The following FAM110B variants were observed in gnomAD, a reference collection of about 807,000 sequenced individuals.
FAM110B encodes the protein protein FAM110B.
In FAM110B, 6 loss-of-function variants were observed where a neutral mutation model predicts 20.4. The observed-to-expected ratio is 0.29, with a 90% CI of 0.16 to 0.58. The LOEUF is 0.58. Among genes scored for constraint, FAM110B ranks in the 20% least tolerant of loss-of-function variants. FAM110B has a pLI of 0.90. For missense variants in FAM110B, 434 were observed against 498.2 expected (o/e 0.87, Z 1.23); for synonymous variants, 226 against 214.1 (o/e 1.06, Z -0.49).
chr8:58,144,065 G>T (rs1803800508), intron 3 of FAM110B, among the ~76,000 whole-genome samples: 1 of 152,200 alleles, frequency 6.6e-6, no homozygotes, highest in South Asian at 2.1e-4. Flanking sequence ...CGTGCCCCAG[G>T]AGAAGGGAGA....
At chr8:58,048,862 T>C (rs1420321197) in intron 2 of FAM110B, among the ~76,000 whole-genome samples, 2 of 152,218 alleles carry the variant, frequency 1.3e-5, no homozygotes, top group African/African-American at 4.8e-5. Context: ...TGGTAGAATT[T>C]GAAAACAGCT....
At chr8:58,066,297 C>T (rs1404304270) in intron 2 of FAM110B, among the ~76,000 whole-genome samples, 1 of 152,188 alleles carries the variant, frequency 6.6e-6, no homozygotes, top group Non-Finnish European at 1.5e-5. Flanking sequence ...TCTCAGCGGG[C>T]GACCTCCCTG....
At chr8:58,114,017 G>A (rs1699867419) in intron 3 of FAM110B, among the ~76,000 whole-genome samples, 1 of 152,156 alleles carries the variant, frequency 6.6e-6, no homozygotes, top group East Asian at 1.9e-4. Context: ...TGACTGCCCT[G>A]CCATTGTCAT....
chr8:58,109,435 T>C (rs1563373205), intron 3 of FAM110B, among the ~76,000 whole-genome samples: 2 of 152,186 alleles, frequency 1.3e-5, no homozygotes, highest in African/African-American at 2.4e-5. Flanking sequence ...GGCTTACTTT[T>C]TGGTCTTCAA....
intron 1 of FAM110B, among the ~76,000 whole-genome samples, chr8:58,024,171 G>GTTTTTTTT (rs1804808746): frequency 8.4e-6 from 1 of 119,068 alleles, no homozygotes; most frequent in African/African-American, 3.9e-5. Context: ...CTTTCACTGT[G>GTTTTTTTT]CTTTTTTTTT....
chr8:58,037,132 A>T lies in FAM110B; in HGVS notation c.-414+5429A>T, dbSNP rs1031069215. On this transcript the variant is annotated intron_variant, in intron 2 of 3. Coordinates refer to ENST00000519262, the MANE Select transcript of FAM110B (RefSeq NM_001377989.1). Reference sequence around the variant, plus strand: ...TGCCGTTAAGGTACAAGTATGTTAAATTTTTTTTTACATAGTCTATAAGCT... The same window carrying T: ...TGCCGTTAAGGTACAAGTATGTTAATTTTTTTTTTACATAGTCTATAAGCT... Among the ~76,000 whole-genome samples the T allele has an allele frequency of 4.6e-5, 7 of 151,458 alleles. 1 individual carries two copies. Among genetic ancestry groups the T allele is most frequent in the Non-Finnish European group, 7.4e-5 (5 of 67,902 alleles).
At chr8:58,105,147 G>A (rs1806876829) in intron 3 of FAM110B, among the ~76,000 whole-genome samples, 1 of 151,938 alleles carries the variant, frequency 6.6e-6, no homozygotes, top group Non-Finnish European at 1.5e-5. Flanking sequence ...TAAGACTTTT[G>A]CCATTTTCCT....
intron 3 of FAM110B, among the ~76,000 whole-genome samples, chr8:58,095,370 G>T (rs560629463): frequency 6.6e-6 from 1 of 152,216 alleles, no homozygotes; most frequent in South Asian, 2.1e-4. Flanking sequence ...TCTCTTGTGG[G>T]CATTTAGTGC....
intron 3 of FAM110B, among the ~76,000 whole-genome samples, chr8:58,083,040 G>A (rs1024259875): frequency 3.3e-5 from 5 of 151,468 alleles, no homozygotes; most frequent in Admixed American, 3.3e-4. Flanking sequence ...TTAAGGAGAT[G>A]TTTGTGGAAT....
At chr8:58,079,879 T>C (rs1036465434) in intron 3 of FAM110B, among the ~76,000 whole-genome samples, 2 of 152,228 alleles carry the variant, frequency 1.3e-5, no homozygotes, top group African/African-American at 2.4e-5. Context: ...GTGGCTGTTA[T>C]AATAGAAATT....
intron 3 of FAM110B, among the ~76,000 whole-genome samples, chr8:58,084,476 G>A (rs534307542): frequency 2.7e-5 from 4 of 149,974 alleles, no homozygotes; most frequent in African/African-American, 9.8e-5. Context: ...TGCAGCCTCC[G>A]CCTCCCTGGT....
intron 2 of FAM110B, among the ~76,000 whole-genome samples, chr8:58,045,052 TTAGTG>T (rs1179988391): frequency 6.6e-6 from 1 of 152,234 alleles, no homozygotes. Flanking sequence ...ATTTTAAAAA[TTAGTG>T]GAGTGGAATT....
At chr8:58,068,521 A>G (rs899382833) in intron 2 of FAM110B, among the ~76,000 whole-genome samples, 1 of 152,048 alleles carries the variant, frequency 6.6e-6, no homozygotes, top group East Asian at 1.9e-4. Context: ...CTTGGCTACT[A>G]ATTAATCTGG....
chr8:58,142,429 G>A (rs1585921605), intron 3 of FAM110B, among the ~76,000 whole-genome samples: 1 of 152,302 alleles, frequency 6.6e-6, no homozygotes. Flanking sequence ...ACTAGAGTGA[G>A]TAGTGGGAGA....
intron 2 of FAM110B, among the ~76,000 whole-genome samples, chr8:58,053,450 G>A (rs1285317610): frequency 6.6e-6 from 1 of 152,228 alleles, no homozygotes; most frequent in East Asian, 1.9e-4. Flanking sequence ...AAAGAAGAAT[G>A]TGGTGGGGTC....
intron 3 of FAM110B, among the ~76,000 whole-genome samples, chr8:58,135,368 AGT>A (rs1803585577): frequency 6.6e-6 from 1 of 152,214 alleles, no homozygotes; most frequent in African/African-American, 2.4e-5. Flanking sequence ...CTTAATAGGA[AGT>A]GGTCATTACT....
chr8:58,080,461 C>G lies in FAM110B; in HGVS notation c.-325+4838C>G, dbSNP rs530047099. ...GATTTAAACAGTGATTGCAGTTGTG[C>G]CAGGAGAAAACCTAGAGTTTCCAGA... On this transcript the variant is annotated intron_variant, in intron 3 of 3. Transcript: ENST00000519262. Among the ~76,000 whole-genome samples the G allele has an allele frequency of 2.0e-5, 3 of 152,244 alleles. No homozygotes were observed. The East Asian group carries it at 5.8e-4, about 29-fold the overall frequency.
rs941128304 is a variant in FAM110B at position 58,034,003 on chromosome 8, C to T, written c.-414+2300C>T. On this transcript the variant is annotated intron_variant, in intron 2 of 3. Transcript: ENST00000519262. ...AGCCCTCCCATCACTGGATGCCCAC[C>T]AGTATATCCCAAAACAATTTTGCCG... 2.6e-5 allele frequency among the ~76,000 whole-genome samples: 4 copies of T among 152,166 alleles called. 1 individual carries two copies. Among genetic ancestry groups the T allele is most frequent in the East Asian group, 1.9e-4 (1 of 5,176 alleles).
chr8:58,037,471 C>CAA (rs537506310), intron 2 of FAM110B, among the ~76,000 whole-genome samples: 16 of 140,412 alleles, frequency 1.1e-4, no homozygotes, highest in East Asian at 4.1e-4. Flanking sequence ...TCAGTCTCCA[C>CAA]AAAAAAAAAA....
Sources: allele counts gnomAD v4.1 joint callset (sites outside exome capture counted in the v4.1 genomes callset), GRCh38; gene constraint gnomAD v4.1.1; transcripts MANE v1.5; gene names NCBI Gene and HGNC (gene_info 2026-07-23, HGNC 2026-07-21).